The following ZPR1 variants were observed in gnomAD, a reference collection of about 807,000 sequenced individuals.
ZPR1 encodes ZPR1 zinc finger.
Under a neutral mutation model 59.6 loss-of-function variants are expected in ZPR1, and 37 were observed. That is an observed-to-expected ratio of 0.62 (90% CI 0.48 to 0.82). ZPR1 has a LOEUF of 0.82. Ranked by LOEUF, ZPR1 falls within the 40% of genes least tolerant of loss-of-function variation. The pLI is 0.00. For synonymous variants in ZPR1, 191 were observed against 215.2 expected (o/e 0.89, Z 0.99); for missense variants, 527 against 579.9 (o/e 0.91, Z 0.94).
intron 11 of ZPR1, 86 bp downstream of exon 11, chr11:116,782,832 GA>G (rs1053115441): frequency 9.2e-6 from 10 of 1,083,048 alleles, no homozygotes; most frequent in Non-Finnish European, 1.3e-5. Context: ...TACCAGCACC[GA>G]AAATTAGGAT....
Position 116,784,913 on chromosome 11 carries a change from C to T in ZPR1, c.762G>A (p.Gln254=). 1 of 1,614,188 alleles carries T rather than the reference C, an allele frequency of 6.2e-7. No homozygotes were observed. Among genetic ancestry groups the T allele is most frequent in the Non-Finnish European group, 8.5e-7 (1 of 1,180,036 alleles). ...TGCATTCTGGGCAGTTTGTGCTGAA[C>T]TGGAGCACCTGGAACACAACATGAG... ...EEEDLRNEVL[Q]FSTNCPECNA... is the part of the protein sequence containing the mutation. The change falls in exon 8 of 14, where the codon CAG becomes CAA. Residue 254 remains glutamine (Q), a synonymous_variant. Transcript: ENST00000227322.
In ZPR1 at chr11:116,787,800, C is replaced by T; in HGVS notation, c.171+20G>A. The T allele has an allele frequency of 1.9e-6, 3 of 1,542,942 alleles. No homozygotes were observed. Among genetic ancestry groups the T allele is most frequent in the Non-Finnish European group, 1.7e-6 (2 of 1,144,322 alleles). On this transcript the variant is annotated intron_variant, in intron 1 of 13. Transcript: ENST00000227322. ...ACAAGCCCTACCCACCCGCCGCTCG[C>T]GGCCGCGCCCCCGCCTCACATTGCA...
rs1940778522 is a variant in ZPR1, at chr11:116,779,825, T to C, written c.1192A>G (p.Asn398Asp). 1 of 1,598,546 alleles carries C rather than the reference T, an allele frequency of 6.3e-7. No individual in the cohort carries two copies. Among genetic ancestry groups the C allele is most frequent in the Non-Finnish European group, 8.5e-7 (1 of 1,172,322 alleles). The change falls in exon 13 of 14, where the codon AAC becomes GAC. Residue 398 changes from asparagine (N) to aspartate (D), a missense_variant. Physicochemically the swap from Asn to Asp is conservative, Grantham distance 23. Coordinates refer to ENST00000227322, the MANE Select transcript of ZPR1 (RefSeq NM_003904.5). ...TCCATAATAAAGTGGGCCTTCATGT[T>C]ACCTTCGATGATCTAAAGGAGAGAG... ...SQKMDQIIEG[N>D]MKAHFIMDDP...
intron 8 of ZPR1, 107 bp downstream of exon 8, chr11:116,784,748 A>G (rs1940858843): frequency 8.7e-7 from 1 of 1,155,538 alleles, no homozygotes; most frequent in Non-Finnish European, 1.3e-6. Flanking sequence ...CTTCCTTATC[A>G]CTGGGTATAA....
At chr11:116,786,462 T>G (rs371776165) in intron 4 of ZPR1, 49 bp downstream of exon 4, 31 of 1,608,760 alleles carry the variant, frequency 1.9e-5, no homozygotes, top group Admixed American at 3.3e-5. Context: ...GGACACTCTA[T>G]ATAAGCAATT....
chr11:116,786,392 A>C, intron 4 of ZPR1, 119 bp downstream of exon 4: 4 of 1,050,698 alleles, frequency 3.8e-6, no homozygotes, highest in Non-Finnish European at 5.8e-6. Context: ...CAGCTCCAGC[A>C]CCACCATATG....
intron 3 of ZPR1, 125 bp from the exon 4 acceptor site, chr11:116,786,706 G>C (rs1412348101): frequency 3.6e-6 from 3 of 833,602 alleles, no homozygotes; most frequent in African/African-American, 3.4e-5. Context: ...AAATGAGAAG[G>C]CCAGGTGCAA....
intron 3 of ZPR1, 63 bp downstream of exon 3, chr11:116,786,906 C>T: frequency 7.2e-7 from 1 of 1,394,814 alleles, no homozygotes. Context: ...GGGGGTTTTG[C>T]AAGAAAGAGG....
Position 116,776,404 on chromosome 11 carries a change from T to G in ZPR1, c.*2521A>C, listed in dbSNP as rs11216136. The G allele has an allele frequency of 0.22, 33,261 of 152,148 alleles. 4,001 individuals carry two copies. Among genetic ancestry groups the G allele is most frequent in the South Asian group, 0.3 (1,446 of 4,822 alleles). 9.4% of individuals were successfully genotyped at this position (152,148 alleles called of 1,614,324 possible). A position where few individuals can be genotyped will look rare whatever the true frequency, so the allele number is the denominator to read the frequency against. On this transcript the variant is annotated 3_prime_UTR_variant, in exon 14 of 14. Transcript: ENST00000227322. Reference sequence around the variant, plus strand: ...TAGTGTCCTAATAGGGTTTAATCTATGATGGAGGATTTTAACAGATTTTAT... The same window carrying G: ...TAGTGTCCTAATAGGGTTTAATCTAGGATGGAGGATTTTAACAGATTTTAT...
rs1465559438 is a variant in ZPR1, at chr11:116,784,935, T to G, written c.754-14A>C. 5.0e-6 allele frequency: 8 copies of G among 1,613,990 alleles called. No individual in the cohort carries two copies. Among genetic ancestry groups the G allele is most frequent in the Non-Finnish European group, 6.8e-6 (8 of 1,180,004 alleles). On this transcript the variant is annotated splice_polypyrimidine_tract_variant and intron_variant, in intron 7 of 13. Transcript: ENST00000227322. ...GAACTGGAGCACCTGGAACACAACA[T>G]GAGGACAAAGGGTGAGCCCTCCCAG...
At chr11:116,785,931 C>T in intron 4 of ZPR1, 49 bp from the exon 5 acceptor site, 1 of 1,528,414 alleles carries the variant, frequency 6.5e-7, no homozygotes, top group Non-Finnish European at 9.1e-7. Context: ...GTACCTTATG[C>T]CCTGCCCCTT....
Position 116,775,861 on chromosome 11 carries a change from AAAG to A in ZPR1, c.*3061_*3063del, listed in dbSNP as rs1165839200. ...TTGGAAACACTGCCATTTGCCTTAA[AAAG>A]AAGTGTGTAAAAAACATTTTTTAAT... is the stretch of plus-strand genomic sequence containing the variant. On this transcript the variant is annotated 3_prime_UTR_variant, in exon 14 of 14. Coordinates refer to ENST00000227322, the MANE Select transcript of ZPR1 (RefSeq NM_003904.5). 6.2e-6 allele frequency: 1 copy of A among 161,658 alleles called. No individual in the cohort carries two copies. The highest frequency in any genetic ancestry group is 2.4e-5 in the African/African-American group (1 of 41,454). The allele number at this position is 161,658 out of a possible 1,614,324, so 10.0% of individuals were successfully genotyped here. A position where few individuals can be genotyped will look rare whatever the true frequency, so the allele number is the denominator to read the frequency against.
intron 3 of ZPR1, 100 bp from the exon 4 acceptor site, chr11:116,786,681 A>T: frequency 9.8e-7 from 1 of 1,024,648 alleles, no homozygotes; most frequent in African/African-American, 1.6e-5. Context: ...CTGGGTCTTA[A>T]TTTCCTCATC....
At position 116,777,931 on chromosome 11, in the gene ZPR1, A is replaced by C. The variant is rs1283976910; in HGVS notation, c.*994T>G. ...TGGATGAATGTGTTTCAACATTTCT[A>C]ACTGAGAGTAGGGCTAACTGATCAG... On this transcript the variant is annotated 3_prime_UTR_variant, in exon 14 of 14. Transcript: ENST00000227322. 6.6e-6 allele frequency: 1 copy of C among 152,162 alleles called. No homozygotes were observed. The highest frequency in any genetic ancestry group is 6.5e-5 in the Admixed American group (1 of 15,274). 9.4% of individuals were successfully genotyped at this position (152,162 alleles called of 1,614,324 possible). A position where few individuals can be genotyped will look rare whatever the true frequency, so the allele number is the denominator to read the frequency against.
intron 8 of ZPR1, 191 bp from the exon 9 acceptor site, chr11:116,784,639 A>C: frequency 1.2e-6 from 1 of 813,054 alleles, no homozygotes; most frequent in South Asian, 1.5e-5. Flanking sequence ...ACACATTTGA[A>C]GGCATGGCTC....
At position 116,773,977 on chromosome 11, in the gene ZPR1, G is replaced by A. The variant is rs1368585693; in HGVS notation, c.*4948C>T. ...TCACATAGTCAGAACATGACTCTAG[G>A]GAGTAGAGGCTAGCGAAGTGGGGTG... On this transcript the variant is annotated 3_prime_UTR_variant, in exon 14 of 14. Transcript: ENST00000227322. 3.3e-5 allele frequency: 5 copies of A among 152,110 alleles called. No individual in the cohort carries two copies. The highest frequency in any genetic ancestry group is 1.2e-4 in the African/African-American group (5 of 41,408). 9.4% of individuals were successfully genotyped at this position (152,110 alleles called of 1,614,324 possible).
chr11:116,787,981 T>A lies in ZPR1; in HGVS notation c.10A>T (p.Ser4Cys). 7.0e-7 allele frequency: 1 copy of A among 1,425,810 alleles called. No homozygotes were observed. The highest frequency in any genetic ancestry group is 1.5e-5 in the South Asian group (1 of 66,314). The allele number at this position is 1,425,810 out of a possible 1,614,324, so 88.3% of individuals were successfully genotyped here. ...GGGGGCCCTGGTTCCACAGCCCCGC[T>A]GGCCGCCATGGCCACCACGCGCAAT... MAASGAVEPGPPGA... is the reference protein window; with the variant it reads MAACGAVEPGPPGA... The change falls in exon 1 of 14, where the codon AGC (serine) becomes TGC (cysteine). Residue 4 changes from serine to cysteine, a missense_variant. By Grantham distance (112) the Ser-to-Cys change is moderately radical. Coordinates refer to ENST00000227322, the MANE Select transcript of ZPR1 (RefSeq NM_003904.5).
In ZPR1 at chr11:116,779,060, C is replaced by T. The variant is rs1487329377; in HGVS notation, c.1246-1G>A. On this transcript the variant is annotated splice_acceptor_variant, in intron 13 of 13. Transcript: ENST00000227322. LOFTEE classifies it high-confidence loss of function. Reference sequence around the variant, plus strand: ...GATCATCTTCAGGCGCATACACATTCTGCAAGGTCAAGGAGAGACAATCAG... The same window carrying T: ...GATCATCTTCAGGCGCATACACATTTTGCAAGGTCAAGGAGAGACAATCAG... The T allele has an allele frequency of 6.2e-7, 1 of 1,614,022 alleles. No individual in the cohort carries two copies. The highest frequency in any genetic ancestry group is 8.5e-7 in the Non-Finnish European group (1 of 1,179,966).
chr11:116,775,196 C>G lies in ZPR1; in HGVS notation c.*3729G>C, dbSNP rs529718388. Reference sequence around the variant, plus strand: ...CTACTTCTGGCCAGGCACGGTGGCTCACGCCTGTAATCCCTGCACTTTGGG... The same window carrying G: ...CTACTTCTGGCCAGGCACGGTGGCTGACGCCTGTAATCCCTGCACTTTGGG... On this transcript the variant is annotated 3_prime_UTR_variant, in exon 14 of 14. Coordinates refer to ENST00000227322, the MANE Select transcript of ZPR1 (RefSeq NM_003904.5). The G allele has an allele frequency of 6.6e-6, 1 of 152,292 alleles. No homozygotes were observed. Among genetic ancestry groups the G allele is most frequent in the Admixed American group, 6.6e-5 (1 of 15,260 alleles). The allele number at this position is 152,292 out of a possible 1,614,324, so 9.4% of individuals were successfully genotyped here.
Sources: gnomAD v4.1 joint callset for allele counts on GRCh38, gnomAD v4.1.1 for gene constraint, MANE v1.5 for transcripts, NCBI Gene and HGNC (gene_info 2026-07-23, HGNC 2026-07-21) for gene names.